The following CPXM2 variants were observed in gnomAD, a reference collection of about 807,000 sequenced individuals.
CPXM2 encodes carboxypeptidase X, M14 family member 2.
Under a neutral mutation model 86.1 loss-of-function variants are expected in CPXM2, and 66 were observed. The observed-to-expected ratio is 0.77, with a 90% CI of 0.63 to 0.94. The LOEUF (loss-of-function observed/expected upper bound fraction) is 0.94, where lower values mean the gene tolerates loss of function less well. Among genes scored for constraint, CPXM2 ranks in the 40% least tolerant of loss-of-function variants. CPXM2 has a pLI of 0.00. For synonymous variants in CPXM2, 388 were observed against 400.2 expected (o/e 0.97, Z 0.36); for missense variants, 948 against 1,026.3 (o/e 0.92, Z 1.04).
chr10:123,812,155 A>G (rs1320813967), intron 4 of CPXM2, among the ~76,000 whole-genome samples: 1 of 152,220 alleles, frequency 6.6e-6, no homozygotes, highest in Non-Finnish European at 1.5e-5. Flanking sequence ...GAAAATTGCA[A>G]TAATGACAAC....
chr10:123,928,028 T>A (rs1945638906), intron 2 of CPXM2, among the ~76,000 whole-genome samples: 1 of 152,170 alleles, frequency 6.6e-6, no homozygotes, highest in Non-Finnish European at 1.5e-5. Flanking sequence ...AATGCCCACA[T>A]TAACACACAG....
chr10:123,838,177 C>A (rs1848315636), intron 4 of CPXM2, among the ~76,000 whole-genome samples: 1 of 152,194 alleles, frequency 6.6e-6, no homozygotes. Context: ...ATTCCAACTA[C>A]AGGGCAAGGC....
rs1848136168 is a variant in CPXM2 at position 123,830,203 on chromosome 10, G to A, written c.653+12146C>T. Among the ~76,000 whole-genome samples, 3 of 152,184 alleles carry A rather than the reference G, an allele frequency of 2.0e-5. No individual in the cohort carries two copies. The South Asian group carries it at 6.2e-4, about 32-fold the overall frequency. Reference sequence around the variant, plus strand: ...CACAGCAAAAGGTGCCATAAGCAAAGTGACAAGAAAGGGAATAATTGGGGA... The same window carrying A: ...CACAGCAAAAGGTGCCATAAGCAAAATGACAAGAAAGGGAATAATTGGGGA... On this transcript the variant is annotated intron_variant, in intron 4 of 13. Coordinates refer to ENST00000241305, the MANE Select transcript of CPXM2 (RefSeq NM_198148.3).
At chr10:123,910,578 C>T (rs527346785) in intron 2 of CPXM2, among the ~76,000 whole-genome samples, 2 of 152,322 alleles carry the variant, frequency 1.3e-5, no homozygotes, top group Admixed American at 6.5e-5. Flanking sequence ...ATACAAGCCC[C>T]AGGCTGGTGC....
chr10:123,885,867 A>G lies in CPXM2; in HGVS notation c.304+5489T>C, dbSNP rs555786534. ...AAAGGTGCCATGAGCTCTAGCAGCC[A>G]TGGACACTTGAGGCATACAGAAAAC... is the stretch of plus-strand genomic sequence containing the variant. On this transcript the variant is annotated intron_variant, in intron 1 of 13. Coordinates refer to ENST00000241305, the MANE Select transcript of CPXM2 (RefSeq NM_198148.3). The surrounding 1 kb of genome is among the most constrained non-coding windows in gnomAD (Gnocchi z 4.0). Among the ~76,000 whole-genome samples, 3 of 152,358 alleles carry G rather than the reference A, an allele frequency of 2.0e-5. No individual in the cohort carries two copies. Among genetic ancestry groups the G allele is most frequent in the South Asian group, 2.1e-4 (1 of 4,834 alleles).
intron 4 of CPXM2, among the ~76,000 whole-genome samples, chr10:123,833,059 G>A (rs931248458): frequency 6.6e-6 from 1 of 152,142 alleles, no homozygotes. Flanking sequence ...CTTCGATCTT[G>A]GACTTCCTAA....
upstream of CPXM2, among the ~76,000 whole-genome samples, chr10:123,941,675 C>T (rs28726190): frequency 0.34 from 50,986 of 152,128 alleles, 9,056 homozygotes; most frequent in African/African-American, 0.42. Context: ...CGAGGTAGAA[C>T]GTAAGACCCT....
At chr10:123,820,622 C>T (rs975087088) in intron 4 of CPXM2, among the ~76,000 whole-genome samples, 17 of 152,218 alleles carry the variant, frequency 1.1e-4, no homozygotes, top group African/African-American at 4.1e-4. Context: ...TCTAACATAG[C>T]TCTCCCTGGG....
chr10:123,812,386 TA>T (rs1847712335), intron 4 of CPXM2, among the ~76,000 whole-genome samples: 2 of 151,952 alleles, frequency 1.3e-5, no homozygotes, highest in South Asian at 2.1e-4. Context: ...CCAAGAAAAA[TA>T]TTTTTTTCAT....
chr10:123,828,631 G>A (rs1848095506), intron 4 of CPXM2, among the ~76,000 whole-genome samples: 1 of 152,080 alleles, frequency 6.6e-6, no homozygotes, highest in African/African-American at 2.4e-5. Flanking sequence ...CCTCTTTCCT[G>A]GTTTCTCTGG....
chr10:123,935,290 G>A (rs1477105812), intron 2 of CPXM2, among the ~76,000 whole-genome samples: 1 of 152,168 alleles, frequency 6.6e-6, no homozygotes, highest in Non-Finnish European at 1.5e-5. Context: ...CACTTTCAAT[G>A]AATAAAACCT....
At position 123,917,129 on chromosome 10, in the gene CPXM2, G is replaced by A. The variant is rs1268290488; in HGVS notation, n.174+22348C>T. ...TAGACATTCAGCTTGAGGCAAAAAG[G>A]GAGAGAGTAGGAGATGAAAATAGAT... On this transcript the variant is annotated intron_variant and non_coding_transcript_variant, in intron 2 of 19. Coordinates refer to the CPXM2 transcript ENST00000368854. Among the ~76,000 whole-genome samples the A allele has an allele frequency of 8.5e-5, 13 of 152,272 alleles. No individual in the cohort carries two copies. In the South Asian group the frequency reaches 1.9e-3, roughly 22 times the overall value.
At chr10:123,852,266 C>G (rs2134173877) in intron 3 of CPXM2, among the ~76,000 whole-genome samples, 1 of 152,258 alleles carries the variant, frequency 6.6e-6, no homozygotes, top group Non-Finnish European at 1.5e-5. Context: ...AATTTCATCT[C>G]CCCATTAGAT....
In CPXM2 at chr10:123,816,193, A is replaced by G. The variant is rs141681689; in HGVS notation, c.654-16994T>C. Among the ~76,000 whole-genome samples the G allele has an allele frequency of 6.9e-3, 1,053 of 152,292 alleles. 13 individuals carry two copies. The highest frequency in any genetic ancestry group is 0.024 in the African/African-American group (986 of 41,554). ...GATATACCCTTTACTAATGCCATGC[A>G]AAATAGATTTGTGAGGGCAGCAACT... is the stretch of plus-strand genomic sequence containing the variant. On this transcript the variant is annotated intron_variant, in intron 4 of 13. Transcript: ENST00000241305.
At position 123,891,782 on chromosome 10, in the gene CPXM2, G is replaced by T; in HGVS notation, c.-123C>A. The T allele has an allele frequency of 1.7e-6, 1 of 589,408 alleles. No homozygotes were observed. Among genetic ancestry groups the T allele is most frequent in the Non-Finnish European group, 2.3e-6 (1 of 429,338 alleles). 36.5% of individuals were successfully genotyped at this position (589,408 alleles called of 1,614,324 possible). A position where few individuals can be genotyped will look rare whatever the true frequency, so the allele number is the denominator to read the frequency against. On this transcript the variant is annotated 5_prime_UTR_variant, in exon 1 of 14. Transcript: ENST00000241305. This position sits in a 1 kb window ranked among gnomAD's most constrained non-coding sequence, Gnocchi z 5.6. ...CAGCAGAGCGGCGCGCTTGGGCGCG[G>T]GAGGCGGCCGGCTGGCTGCGCGTGT...
At chr10:123,841,125 A>C (rs1848377165) in intron 4 of CPXM2, among the ~76,000 whole-genome samples, 1 of 152,122 alleles carries the variant, frequency 6.6e-6, no homozygotes, top group Non-Finnish European at 1.5e-5. Flanking sequence ...CAATGTCGGC[A>C]GATGTTAGAA....
chr10:123,845,941 G>C (rs1024558750), intron 3 of CPXM2, among the ~76,000 whole-genome samples: 4 of 152,114 alleles, frequency 2.6e-5, no homozygotes, highest in African/African-American at 7.2e-5. Context: ...AAGTTCAAAA[G>C]GGAAAGATTT....
upstream of CPXM2, among the ~76,000 whole-genome samples, chr10:123,943,009 T>C (rs7916080): frequency 0.34 from 51,178 of 152,126 alleles, 9,156 homozygotes; most frequent in African/African-American, 0.43. Context: ...TGTACAGCTG[T>C]GTAACCTAGG....
intron 3 of CPXM2, among the ~76,000 whole-genome samples, chr10:123,854,341 AAT>A (rs200616929): frequency 0.021 from 2,597 of 125,964 alleles, 50 homozygotes; most frequent in South Asian, 0.073. Context: ...CTAGTGAACA[AAT>A]ATATATATAT....
Sources: gnomAD v4.1 joint callset for allele counts (sites outside exome capture counted in the v4.1 genomes callset) on GRCh38, gnomAD v4.1.1 for gene constraint, Gnocchi (gnomAD v3.1) non-coding constraint, MANE v1.5 for transcripts, NCBI Gene and HGNC (gene_info 2026-07-23, HGNC 2026-07-21) for gene names.